Variants in KCNH1 observed in about 807,000 individuals in gnomAD.
The protein encoded by KCNH1 is voltage-gated delayed rectifier potassium channel KCNH1.
In KCNH1, 27 loss-of-function variants were observed where a neutral mutation model predicts 69.2. The observed-to-expected ratio is 0.39, with a 90% CI of 0.29 to 0.54. The LOEUF (loss-of-function observed/expected upper bound fraction) is 0.54, where lower values mean the gene tolerates loss of function less well. Ranked by LOEUF, KCNH1 falls within the 20% of genes least tolerant of loss-of-function variation. KCNH1 has a pLI of 0.68. For missense variants in KCNH1, 798 were observed against 1,261.6 expected, an observed-to-expected ratio of 0.63 and a Z score of 5.57; for synonymous variants, 456 against 487.7, an observed-to-expected ratio of 0.93 and a Z score of 0.86.
chr1:210,812,902 G>A (rs1250806284), intron 7 of KCNH1, among the ~76,000 whole-genome samples: 1 of 152,210 alleles, frequency 6.6e-6, no homozygotes, highest in East Asian at 1.9e-4. Context: ...AGTCTTCAGA[G>A]TTATACTCTT....
At position 210,797,651 on chromosome 1, in the gene KCNH1, C is replaced by T. The variant is rs370210778; in HGVS notation, c.1772G>A (p.Arg591Gln). 1.9e-6 allele frequency: 3 copies of T among 1,614,086 alleles called. No individual in the cohort carries two copies. Among genetic ancestry groups the T allele is most frequent in the African/African-American group, 1.3e-5 (1 of 74,924 alleles). ...AFRLASDGCL[R>Q]ALAMEFQTVH... ...CGTCTGGAACTCCATGGCCAGTGCC[C>T]GGAGGCAGCCATCACTGGCCAGCCG... is the stretch of plus-strand genomic sequence containing the variant. Residue 591 changes from arginine to glutamine, a missense_variant, in exon 9 of 11, where the codon CGG becomes CAG. Arg to Gln is a conservative substitution (Grantham distance 43). Coordinates refer to ENST00000271751, the MANE Select transcript of KCNH1 (RefSeq NM_172362.3).
At chr1:211,017,404 A>G (rs1213316323) in intron 6 of KCNH1, among the ~76,000 whole-genome samples, 1 of 152,048 alleles carries the variant, frequency 6.6e-6, no homozygotes, top group Non-Finnish European at 1.5e-5. Context: ...TTAGTTCTGA[A>G]ATGTGTCTTG....
Position 211,082,830 on chromosome 1 carries a change from G to C in KCNH1, c.508C>G (p.Pro170Ala), listed in dbSNP as rs957032942. Residue 170 changes from proline (P) to alanine (A), a missense_variant, in exon 5 of 11, where the codon CCA (proline) becomes GCA (alanine). Pro to Ala is a conservative substitution (Grantham distance 27, BLOSUM62 -1). Transcript: ENST00000271751. Reference sequence around the variant, plus strand: ...ACATTCTCGCCTTTTTGCACGCTTGGAGCCAGCTGCTGCAGGACACCCCTG... The same window carrying C: ...ACATTCTCGCCTTTTTGCACGCTTGCAGCCAGCTGCTGCAGGACACCCCTG... ...SSRGVLQQLA[P>A]SVQKGENVHK... 1 of 1,614,006 alleles carries C rather than the reference G, an allele frequency of 6.2e-7. No individual in the cohort carries two copies.
intron 9 of KCNH1, among the ~76,000 whole-genome samples, chr1:210,792,438 T>C (rs1329724302): frequency 6.6e-6 from 1 of 152,180 alleles, no homozygotes; most frequent in African/African-American, 2.4e-5. Flanking sequence ...TTTCTTTCCA[T>C]GTGCTAGGTG....
At chr1:211,045,551 G>C (rs948360544) in intron 5 of KCNH1, among the ~76,000 whole-genome samples, 1 of 152,014 alleles carries the variant, frequency 6.6e-6, no homozygotes, top group Non-Finnish European at 1.5e-5. Context: ...AATGGAAAAA[G>C]CTGTGCCTAT....
intron 10 of KCNH1, among the ~76,000 whole-genome samples, chr1:210,704,488 C>A (rs1373758281): frequency 6.6e-6 from 1 of 152,112 alleles, no homozygotes; most frequent in Non-Finnish European, 1.5e-5. Flanking sequence ...TAAACTATCC[C>A]ATGAAGACAG....
intron 6 of KCNH1, among the ~76,000 whole-genome samples, chr1:210,952,836 T>A (rs1174084935): frequency 1.3e-5 from 2 of 152,226 alleles, no homozygotes; most frequent in African/African-American, 4.8e-5. Flanking sequence ...TAAACTATCA[T>A]GAGAATATTA....
chr1:210,925,289 C>G (rs1003493539), intron 6 of KCNH1, among the ~76,000 whole-genome samples: 1 of 152,218 alleles, frequency 6.6e-6, no homozygotes, highest in Admixed American at 6.5e-5. Flanking sequence ...CTTGGATGGA[C>G]AGAGCAGCAT....
In KCNH1 at chr1:210,800,636, G is replaced by A. The variant is rs141473813; in HGVS notation, c.1663-2876C>T. 3.5e-3 allele frequency among the ~76,000 whole-genome samples: 526 copies of A among 152,274 alleles called. 3 individuals are homozygous for A. Among genetic ancestry groups the A allele is most frequent in the Non-Finnish European group, 5.6e-3 (379 of 68,028 alleles). On this transcript the variant is annotated intron_variant, in intron 8 of 10. Coordinates refer to ENST00000271751, the MANE Select transcript of KCNH1 (RefSeq NM_172362.3). ...TTCCATCTATTGGCTCCACACTGAG[G>A]TGGGTGGGGTGTCTGGAACTCCTCT...
chr1:210,842,018 C>T (rs1685423592), intron 7 of KCNH1, among the ~76,000 whole-genome samples: 1 of 152,120 alleles, frequency 6.6e-6, no homozygotes, highest in Non-Finnish European at 1.5e-5. Flanking sequence ...CAAATGAATA[C>T]CCATTGAGTG....
intron 5 of KCNH1, among the ~76,000 whole-genome samples, chr1:211,029,035 A>G (rs182147251): frequency 3.3e-5 from 5 of 152,032 alleles, no homozygotes; most frequent in Admixed American, 6.6e-5. Flanking sequence ...GAATTTAGCA[A>G]TATATAAAAA....
In KCNH1 at chr1:210,680,508, T is replaced by C. The variant is rs563782204; in HGVS notation, c.*2773A>G. The C allele has an allele frequency of 7.2e-5, 11 of 152,214 alleles. No homozygotes were observed. Among genetic ancestry groups the C allele is most frequent in the African/African-American group, 2.6e-4 (11 of 41,530 alleles). 9.4% of individuals were successfully genotyped at this position (152,214 alleles called of 1,614,324 possible). A position where few individuals can be genotyped will look rare whatever the true frequency, so the allele number is the denominator to read the frequency against. Reference sequence around the variant, plus strand: ...TAATCTCTCTCCAGCCACCAGATAATGGTTTATACTGGAAGGCTCAGGTCA... The same window carrying C: ...TAATCTCTCTCCAGCCACCAGATAACGGTTTATACTGGAAGGCTCAGGTCA... On this transcript the variant is annotated 3_prime_UTR_variant, in exon 11 of 11. Transcript: ENST00000271751.
chr1:210,810,717 T>G (rs183012420), intron 7 of KCNH1, among the ~76,000 whole-genome samples: 1 of 152,298 alleles, frequency 6.6e-6, no homozygotes, highest in Non-Finnish European at 1.5e-5. Flanking sequence ...TAATATCTTC[T>G]CCTATTTTCT....
At chr1:211,030,945 T>C (rs1345045527) in intron 5 of KCNH1, among the ~76,000 whole-genome samples, 2 of 152,060 alleles carry the variant, frequency 1.3e-5, no homozygotes, top group East Asian at 3.8e-4. Flanking sequence ...AACAGACATT[T>C]ACCCAAAAGG....
intron 10 of KCNH1, among the ~76,000 whole-genome samples, chr1:210,719,741 T>A (rs1256206642): frequency 6.6e-6 from 1 of 152,164 alleles, no homozygotes; most frequent in African/African-American, 2.4e-5. Flanking sequence ...TTTTCTTGCA[T>A]AACTCAATAT....
At chr1:210,851,962 A>G (rs1685717001) in intron 7 of KCNH1, among the ~76,000 whole-genome samples, 3 of 152,266 alleles carry the variant, frequency 2.0e-5, no homozygotes, top group African/African-American at 7.2e-5. Flanking sequence ...TATTCTGGTG[A>G]GCAAATCAGA....
chr1:210,909,339 C>A (rs892749350), intron 7 of KCNH1, among the ~76,000 whole-genome samples: 6 of 152,182 alleles, frequency 3.9e-5, no homozygotes, highest in Non-Finnish European at 8.8e-5. Context: ...TCATCCAACA[C>A]CTACCAAAGT....
In KCNH1 at chr1:211,091,829, C is replaced by T. The variant is rs542557172; in HGVS notation, c.311-1139G>A. ...AAATATCTGTACAGTCACTCACTGGCTTCCCAAAAATAATTAAGGAAAATA... is the reference window on the plus strand; with the variant it reads ...AAATATCTGTACAGTCACTCACTGGTTTCCCAAAAATAATTAAGGAAAATA... On this transcript the variant is annotated intron_variant, in intron 3 of 10. Transcript: ENST00000271751. Among the ~76,000 whole-genome samples the T allele has an allele frequency of 2.6e-3, 393 of 152,270 alleles. 3 individuals are homozygous for T. Among genetic ancestry groups the T allele is most frequent in the African/African-American group, 9.1e-3 (379 of 41,560 alleles).
At chr1:210,986,045 C>G (rs1486913601) in intron 6 of KCNH1, among the ~76,000 whole-genome samples, 1 of 152,172 alleles carries the variant, frequency 6.6e-6, no homozygotes, top group African/African-American at 2.4e-5. Context: ...TAATGGCCTT[C>G]TTTGTCTCTT....
Sources: gnomAD v4.1 joint callset for allele counts (sites outside exome capture counted in the v4.1 genomes callset) on GRCh38, gnomAD v4.1.1 for gene constraint, MANE v1.5 for transcripts, NCBI Gene and HGNC (gene_info 2026-07-23, HGNC 2026-07-21) for gene names.